The following SAMHD1 variants were observed in gnomAD, a reference collection of about 807,000 sequenced individuals.
SAMHD1 encodes the protein SAM and HD domain containing deoxynucleoside triphosphate triphosphohydrolase 1, also known as deoxynucleoside triphosphate triphosphohydrolase SAMHD1.
Under a neutral mutation model 79.6 loss-of-function variants are expected in SAMHD1, and 54 were observed. That is an observed-to-expected ratio of 0.68 (90% CI 0.55 to 0.85). The LOEUF (loss-of-function observed/expected upper bound fraction) is 0.85. Among genes scored for constraint, SAMHD1 ranks in the 40% least tolerant of loss-of-function variants. The pLI is 0.00. For synonymous variants in SAMHD1, 260 were observed against 264.1 expected (o/e 0.98, Z 0.15); for missense variants, 663 against 782.7 (o/e 0.85, Z 1.82).
chr20:36,894,487 C>T (rs1248079311), intron 15 of SAMHD1, among the ~76,000 whole-genome samples: 1 of 150,604 alleles, frequency 6.6e-6, no homozygotes, highest in African/African-American at 2.4e-5. Context: ...ATCATTTAGG[C>T]CAGGCGTGGT....
intron 11 of SAMHD1, among the ~76,000 whole-genome samples, chr20:36,907,106 T>C (rs1268871482): frequency 6.6e-6 from 1 of 150,928 alleles, no homozygotes; most frequent in Non-Finnish European, 1.5e-5. Context: ...TTTTTTTTTT[T>C]AAGGAGACAA....
At chr20:36,935,321 CAA>C (rs2063596285) in intron 3 of SAMHD1, 132 bp from the exon 4 acceptor site, 2 of 743,246 alleles carry the variant, frequency 2.7e-6, no homozygotes, top group Admixed American at 4.2e-5. Context: ...ACGGAAATGA[CAA>C]GATGTTAACA....
intron 15 of SAMHD1, chr20:36,893,664 T>TCTA: frequency 2.6e-6 from 1 of 387,694 alleles, no homozygotes; most frequent in Middle Eastern, 6.6e-4. Context: ...AATACTTGAC[T>TCTA]CTATGCTAAA....
intron 11 of SAMHD1, among the ~76,000 whole-genome samples, chr20:36,909,699 A>G (rs1189689245): frequency 1.3e-5 from 2 of 149,508 alleles, no homozygotes; most frequent in Non-Finnish European, 3.0e-5. Flanking sequence ...AAAAAAAAAA[A>G]AAAAAGAACC....
chr20:36,935,863 G>T (rs2063600505), intron 3 of SAMHD1, among the ~76,000 whole-genome samples: 1 of 151,994 alleles, frequency 6.6e-6, no homozygotes, highest in Non-Finnish European at 1.5e-5. Context: ...GAGCCACCGT[G>T]CCCGGCCTAA....
At chr20:36,917,761 T>A (rs2146117778) in intron 7 of SAMHD1, among the ~76,000 whole-genome samples, 1 of 152,282 alleles carries the variant, frequency 6.6e-6, no homozygotes, top group East Asian at 1.9e-4. Context: ...GTCTAAATAA[T>A]ATGCATTGTT....
intron 4 of SAMHD1, among the ~76,000 whole-genome samples, chr20:36,934,458 A>G: frequency 7.4e-6 from 1 of 135,002 alleles, no homozygotes; most frequent in African/African-American, 2.8e-5. Flanking sequence ...GGGAGGTCGA[A>G]GTTGCAGTGA....
chr20:36,904,002 T>C (rs1271613535), intron 13 of SAMHD1, 155 bp downstream of exon 13: 2 of 620,148 alleles, frequency 3.2e-6, no homozygotes, highest in African/African-American at 3.7e-5. Flanking sequence ...GAACAAAATG[T>C]TTTTGTGGTT....
At position 36,941,733 on chromosome 20, in the gene SAMHD1, T is replaced by A. The variant is rs138223351; in HGVS notation, c.276-622A>T. 6.6e-5 allele frequency among the ~76,000 whole-genome samples: 10 copies of A among 152,104 alleles called. No individual in the cohort carries two copies. The East Asian group carries it at 1.7e-3, about 26-fold the overall frequency. The stretch of plus-strand genomic sequence containing the variant: ...CAGGCAAAGGGTTTTACTGATCTAC[T>A]AGATAACCAGATTGAAAAAAAAGTA... On this transcript the variant is annotated intron_variant, in intron 2 of 15. Transcript: ENST00000646673.
intron 3 of SAMHD1, 196 bp from the exon 4 acceptor site, chr20:36,935,385 G>C: frequency 1.7e-6 from 1 of 585,222 alleles, no homozygotes; most frequent in Non-Finnish European, 3.0e-6. Flanking sequence ...TATTGGATTT[G>C]AGTATATTTT....
At chr20:36,941,855 A>G (rs6030320) in intron 2 of SAMHD1, among the ~76,000 whole-genome samples, 11 of 152,260 alleles carry the variant, frequency 7.2e-5, no homozygotes, top group African/African-American at 2.4e-4. Flanking sequence ...CTTAAGAATA[A>G]TATCTTGGGA....
intron 15 of SAMHD1, chr20:36,893,646 G>A: frequency 2.6e-6 from 1 of 378,400 alleles, no homozygotes; most frequent in Non-Finnish European, 4.7e-6. Context: ...TAAGAAGCAA[G>A]GCCTCCTAAT....
At chr20:36,951,368 C>T (rs2146160319) in intron 1 of SAMHD1, 68 bp downstream of exon 1, 2 of 1,601,572 alleles carry the variant, frequency 1.2e-6, no homozygotes, top group East Asian at 4.5e-5. Flanking sequence ...GGGGCCCCCT[C>T]CCTCAGGGCG....
At chr20:36,926,916 C>T (rs546784510) in intron 6 of SAMHD1, 5 of 385,094 alleles carry the variant, frequency 1.3e-5, no homozygotes, top group Middle Eastern at 7.8e-4. Flanking sequence ...CAGTATTTAA[C>T]GGCTTTGTGA....
rs35061251 is a variant in SAMHD1 at position 36,947,310 on chromosome 20, G to GGTGTGTGTGTGTGTGT, written c.209-522_209-507dup. Among the ~76,000 whole-genome samples, 37 of 85,132 alleles carry GGTGTGTGTGTGTGTGT rather than the reference G, an allele frequency of 4.3e-4. 2 individuals are homozygous for GGTGTGTGTGTGTGTGT. Among genetic ancestry groups the GGTGTGTGTGTGTGTGT allele is most frequent in the East Asian group, 2.8e-3 (7 of 2,544 alleles). The allele number at this position is 85,132 out of a possible 152,430, so 55.8% of individuals were successfully genotyped here. A position where few individuals can be genotyped will look rare whatever the true frequency, so the allele number is the denominator to read the frequency against. On this transcript the variant is annotated intron_variant, in intron 1 of 15. Transcript: ENST00000646673. Reference sequence around the variant, plus strand: ...GCACTCAATACTCTGATTTGGAAGAGGTGTGTGTGTGTGTGTGTGTGTGTG... The same window carrying GGTGTGTGTGTGTGTGT: ...GCACTCAATACTCTGATTTGGAAGAGGTGTGTGTGTGTGTGTGTGTGTGTGTGTGTGTGTGTGTGTG...
At chr20:36,928,375 C>T (rs897815194) in intron 5 of SAMHD1, among the ~76,000 whole-genome samples, 5 of 144,712 alleles carry the variant, frequency 3.5e-5, no homozygotes, top group Admixed American at 2.1e-4. Context: ...GGTGACAGAG[C>T]AAGACTCCAT....
At chr20:36,905,745 C>T (rs1202972699) in intron 11 of SAMHD1, among the ~76,000 whole-genome samples, 7 of 151,960 alleles carry the variant, frequency 4.6e-5, no homozygotes, top group Non-Finnish European at 8.8e-5. Context: ...CCGAGGCGGG[C>T]GGATCACTTG....
intron 6 of SAMHD1, among the ~76,000 whole-genome samples, chr20:36,920,713 A>C (rs187182006): frequency 6.6e-6 from 1 of 150,814 alleles, no homozygotes; most frequent in Non-Finnish European, 1.5e-5. Flanking sequence ...CAGTGAGCCG[A>C]GATCGCCCTG....
chr20:36,930,953 T>G, intron 4 of SAMHD1, 78 bp from the exon 5 acceptor site: 3 of 922,142 alleles, frequency 3.3e-6, no homozygotes, highest in Middle Eastern at 2.1e-4. Flanking sequence ...AACTTCAGTA[T>G]GTTTCCTTAA....
Sources: allele counts gnomAD v4.1 joint callset (sites outside exome capture counted in the v4.1 genomes callset), GRCh38; gene constraint gnomAD v4.1.1; transcripts MANE v1.5; gene names NCBI Gene and HGNC (gene_info 2026-07-23, HGNC 2026-07-21).